Variants in BLOC1S3 observed in about 807,000 individuals in gnomAD.
BLOC1S3 encodes the protein biogenesis of lysosomal organelles complex 1 subunit 3.
A neutral mutation model predicts 9.1 loss-of-function variants in BLOC1S3; 7 were observed. That is an observed-to-expected ratio of 0.77 (90% CI 0.44 to 1.45). BLOC1S3 has a LOEUF of 1.45. BLOC1S3 is among the 40% of genes most tolerant of loss of function. BLOC1S3 has a pLI of 0.01. For missense variants in BLOC1S3, 307 were observed against 315.2 expected, an observed-to-expected ratio of 0.97 and a Z score of 0.20; for synonymous variants, 145 against 158.4, an observed-to-expected ratio of 0.92 and a Z score of 0.64.
chr19:45,213,442 C>T, intron 3 of BLOC1S3: 1 of 1,524,828 alleles, frequency 6.6e-7, no homozygotes, highest in East Asian at 2.3e-5. Context: ...ACCTGACCCC[C>T]TCACCTATCC....
At chr19:45,210,107 G>A (rs1299310654) in intron 3 of BLOC1S3, among the ~76,000 whole-genome samples, 2 of 152,030 alleles carry the variant, frequency 1.3e-5, no homozygotes, top group Non-Finnish European at 2.9e-5. Context: ...AAAAGACTAC[G>A]TTATGTATTT....
intron 3 of BLOC1S3, among the ~76,000 whole-genome samples, chr19:45,215,778 TC>T (rs1364443387): frequency 6.6e-6 from 1 of 152,080 alleles, no homozygotes; most frequent in African/African-American, 2.4e-5. Flanking sequence ...CCCCTGCGGC[TC>T]CCCTGCGGGC....
rs970984062 is a variant in BLOC1S3, at chr19:45,206,462, T to TTTTTTTTTTTTTTTTTTTTTTG, written n.282+3966_282+3967insTTTTTTTTTTGTTTTTTTTTTT. Among the ~76,000 whole-genome samples the TTTTTTTTTTTTTTTTTTTTTTG allele has an allele frequency of 2.6e-5, 3 of 115,444 alleles. 1 individual carries two copies. Among genetic ancestry groups the TTTTTTTTTTTTTTTTTTTTTTG allele is most frequent in the Admixed American group, 8.9e-5 (1 of 11,216 alleles). 75.7% of individuals were successfully genotyped at this position (115,444 alleles called of 152,430 possible). A position where few individuals can be genotyped will look rare whatever the true frequency, so the allele number is the denominator to read the frequency against. On this transcript the variant is annotated intron_variant and non_coding_transcript_variant, in intron 3 of 3. Coordinates refer to the BLOC1S3 transcript ENST00000591569. ...TTGGATTAATCAAGTTTTTTTTTTT[T>TTTTTTTTTTTTTTTTTTTTTTG]TTTTTTTTTTTGAGCAAGGATCTCA...
intron 2 of BLOC1S3, among the ~76,000 whole-genome samples, chr19:45,196,466 C>A (rs1387577999): frequency 6.6e-6 from 1 of 152,006 alleles, no homozygotes. Context: ...CTGGGTGGTC[C>A]TCAGTGTCCC....
intron 2 of BLOC1S3, among the ~76,000 whole-genome samples, chr19:45,190,826 G>A (rs8102957): frequency 2.0e-5 from 1 of 50,796 alleles, no homozygotes; most frequent in South Asian, 5.9e-4. Context: ...TATTTTTTGA[G>A]AGAGAGTCTT....
At chr19:45,216,201 G>T in intron 3 of BLOC1S3, 2 of 1,613,458 alleles carry the variant, frequency 1.2e-6, no homozygotes, top group South Asian at 1.1e-5. Flanking sequence ...ACTCCTGCAG[G>T]GGAGGGAGGG....
Position 45,181,176 on chromosome 19 carries a change from T to C in BLOC1S3, c.*1271T>C, listed in dbSNP as rs545902071. ...CTGTTTCCCAAGTCCAGCAGTGTCG[T>C]GGGATAGGTTTTGCTTTCTTTTACT... On this transcript the variant is annotated 3_prime_UTR_variant, in exon 2 of 2. Transcript: ENST00000433642. The C allele has an allele frequency of 6.0e-6, 1 of 167,496 alleles. No individual in the cohort carries two copies. Among genetic ancestry groups the C allele is most frequent in the African/African-American group, 2.4e-5 (1 of 41,566 alleles). 10.4% of individuals were successfully genotyped at this position (167,496 alleles called of 1,614,324 possible).
At chr19:45,216,328 C>A in intron 3 of BLOC1S3, 1 of 1,294,742 alleles carries the variant, frequency 7.7e-7, no homozygotes, top group Non-Finnish European at 1.0e-6. Flanking sequence ...GTAATCCCAG[C>A]ACTTTGGGAG....
intron 3 of BLOC1S3, among the ~76,000 whole-genome samples, chr19:45,215,526 A>C (rs997116180): frequency 7.2e-5 from 11 of 152,184 alleles, no homozygotes; most frequent in African/African-American, 2.7e-4. Flanking sequence ...CTGAAATAAG[A>C]ACTCATTGAG....
In BLOC1S3 at chr19:45,179,413, G is replaced by A. The variant is rs1969473415; in HGVS notation, c.117G>A (p.Leu39=). ...RSASSSEEEE[L]YLGPSGPTRG... is the part of the protein sequence containing the mutation. The stretch of plus-strand genomic sequence containing the variant: ...CGTCCTCGTCGGAGGAGGAGGAGCT[G>A]TACCTGGGTCCTTCGGGCCCGACGC... The change falls in exon 2 of 2, where the codon CTG becomes CTA. Residue 39 remains leucine (L), a synonymous_variant. Coordinates refer to ENST00000433642, the MANE Select transcript of BLOC1S3 (RefSeq NM_212550.5). This position sits in a 1 kb window ranked among gnomAD's most constrained non-coding sequence, Gnocchi z 4.6. The A allele has an allele frequency of 3.2e-6, 5 of 1,558,860 alleles. No homozygotes were observed. Among genetic ancestry groups the A allele is most frequent in the Non-Finnish European group, 4.3e-6 (5 of 1,160,174 alleles).
intron 2 of BLOC1S3, among the ~76,000 whole-genome samples, chr19:45,201,866 A>G (rs1019302162): frequency 6.6e-6 from 1 of 151,984 alleles, no homozygotes; most frequent in African/African-American, 2.4e-5. Context: ...ATGAGATCTG[A>G]TGGCTTTATA....
In BLOC1S3 at chr19:45,179,436, C is replaced by T. The variant is rs780977878; in HGVS notation, c.140C>T (p.Thr47Met). 28 of 1,526,328 alleles carry T rather than the reference C, an allele frequency of 1.8e-5. No individual in the cohort carries two copies. In the South Asian group the frequency reaches 3.2e-4, roughly 18 times the overall value. 94.5% of individuals were successfully genotyped at this position (1,526,328 alleles called of 1,614,324 possible). A position where few individuals can be genotyped will look rare whatever the true frequency, so the allele number is the denominator to read the frequency against. ...CTGTACCTGGGTCCTTCGGGCCCGA[C>T]GCGCGGCCGCCCCACGGGGCTGCGG... ...EELYLGPSGP[T>M]RGRPTGLRVA... Residue 47 changes from threonine to methionine, a missense_variant, in exon 2 of 2, where the codon ACG (threonine) becomes ATG (methionine). Transcript: ENST00000433642. The surrounding 1 kb of genome is among the most constrained non-coding windows in gnomAD (Gnocchi z 4.6).
intron 3 of BLOC1S3, among the ~76,000 whole-genome samples, chr19:45,203,107 C>CTGGGGTT (rs1404380108): frequency 1.3e-5 from 2 of 151,784 alleles, no homozygotes; most frequent in African/African-American, 4.8e-5. Context: ...GCTATACTGC[C>CTGGGGTT]TGGGGTTTGG....
intron 2 of BLOC1S3, among the ~76,000 whole-genome samples, chr19:45,192,585 T>G (rs988392997): frequency 6.6e-6 from 1 of 152,208 alleles, no homozygotes; most frequent in Admixed American, 6.5e-5. Flanking sequence ...CACGGAGTAC[T>G]GCCTGGGTAC....
In BLOC1S3 at chr19:45,208,225, A is replaced by G. The variant is rs531941481; in HGVS notation, n.282+5718A>G. On this transcript the variant is annotated intron_variant and non_coding_transcript_variant, in intron 3 of 3. Transcript: ENST00000591569. Reference sequence around the variant, plus strand: ...CTGATCTCGTGATCTGCCCTCCTTGACCTCCCAAAGTGCTGGGATTACAGG... The same window carrying G: ...CTGATCTCGTGATCTGCCCTCCTTGGCCTCCCAAAGTGCTGGGATTACAGG... Among the ~76,000 whole-genome samples, 4 of 150,270 alleles carry G rather than the reference A, an allele frequency of 2.7e-5. No homozygotes were observed. In the East Asian group the frequency reaches 7.9e-4, roughly 30 times the overall value.
At chr19:45,214,456 G>GTATT (rs140511806) in intron 3 of BLOC1S3, among the ~76,000 whole-genome samples, 1 of 151,328 alleles carries the variant, frequency 6.6e-6, no homozygotes, top group Non-Finnish European at 1.5e-5. Flanking sequence ...GTTTTTTTGT[G>GTATT]TGTTTGTTTG....
intron 2 of BLOC1S3, among the ~76,000 whole-genome samples, chr19:45,202,147 G>A (rs1461365646): frequency 2.1e-5 from 3 of 144,900 alleles, no homozygotes; most frequent in African/African-American, 7.6e-5. Flanking sequence ...GGGAGGCAGA[G>A]CTTGCAGTTA....
chr19:45,208,078 G>A (rs1568476757), intron 3 of BLOC1S3, among the ~76,000 whole-genome samples: 2 of 151,474 alleles, frequency 1.3e-5, no homozygotes, highest in Non-Finnish European at 2.9e-5. Context: ...GGGTTCAAGC[G>A]ATTCTTCTGC....
rs1969494861 is a variant in BLOC1S3, at chr19:45,180,064, A to G, written c.*159A>G. On this transcript the variant is annotated 3_prime_UTR_variant, in exon 2 of 2. Transcript: ENST00000433642. ...CCGGTCCCCTTGGATAATGCTTTAT[A>G]TTGGATATAGTTCAACCCCTACTGC... is the stretch of plus-strand genomic sequence containing the variant. 2 of 776,814 alleles carry G rather than the reference A, an allele frequency of 2.6e-6. No homozygotes were observed. Among genetic ancestry groups the G allele is most frequent in the African/African-American group, 1.9e-5 (1 of 53,654 alleles). The allele number at this position is 776,814 out of a possible 1,614,324, so 48.1% of individuals were successfully genotyped here. A position where few individuals can be genotyped will look rare whatever the true frequency, so the allele number is the denominator to read the frequency against.
Sources: gnomAD v4.1 joint callset for allele counts (sites outside exome capture counted in the v4.1 genomes callset) on GRCh38, gnomAD v4.1.1 for gene constraint, Gnocchi (gnomAD v3.1) non-coding constraint, MANE v1.5 for transcripts, NCBI Gene and HGNC (gene_info 2026-07-23, HGNC 2026-07-21) for gene names.